The following CCDC57 variants were observed in gnomAD, a reference collection of about 807,000 sequenced individuals.
CCDC57 encodes the protein coiled-coil domain containing 57.
In CCDC57, 118 loss-of-function variants were observed where a neutral mutation model predicts 118.9. The ratio of observed to expected loss-of-function variants is 0.99; its 90% CI spans 0.86 to 1.16. The LOEUF is 1.16. CCDC57 is among the 50% of genes most tolerant of loss of function. CCDC57 has a pLI of 0.00. For synonymous variants in CCDC57, 527 were observed against 532.9 expected, an observed-to-expected ratio of 0.99 and a Z score of 0.15; for missense variants, 1,300 against 1,320.7, an observed-to-expected ratio of 0.98 and a Z score of 0.24.
chr17:82,113,700 A>AG (rs762948064), intron 19 of CCDC57: 2 of 713,818 alleles, frequency 2.8e-6, no homozygotes, highest in South Asian at 3.0e-5. Flanking sequence ...TGGGAGGCCA[A>AG]GGCGGCAGGA....
intron 19 of CCDC57, among the ~76,000 whole-genome samples, chr17:82,121,712 C>T (rs897361137): frequency 2.0e-5 from 3 of 152,216 alleles, no homozygotes; most frequent in African/African-American, 7.2e-5. Flanking sequence ...GCTCCTGGGC[C>T]TCAGTCAGCG....
At chr17:82,205,913 G>A (rs559835633) in intron 2 of CCDC57, among the ~76,000 whole-genome samples, 33 of 152,320 alleles carry the variant, frequency 2.2e-4, no homozygotes, top group African/African-American at 7.2e-4. Context: ...ATCATAGAAC[G>A]GCCTGCTCTG....
intron 16 of CCDC57, among the ~76,000 whole-genome samples, chr17:82,140,820 G>C (rs1168329687): frequency 6.6e-6 from 1 of 152,084 alleles, no homozygotes. Context: ...TTGTAGGATG[G>C]CAGGTGCATC....
intron 4 of CCDC57, among the ~76,000 whole-genome samples, chr17:82,198,041 G>A (rs1347413623): frequency 6.6e-6 from 1 of 152,048 alleles, no homozygotes; most frequent in Non-Finnish European, 1.5e-5. Context: ...ATATCTACAC[G>A]TCTCCTATTG....
chr17:82,169,381 G>A (rs1236375969), intron 13 of CCDC57, among the ~76,000 whole-genome samples: 7 of 152,112 alleles, frequency 4.6e-5, no homozygotes, highest in African/African-American at 7.2e-5. Context: ...CACCCACCTC[G>A]GCCTCCCAAA....
At chr17:82,147,284 G>A (rs28481866) in intron 16 of CCDC57, among the ~76,000 whole-genome samples, 62,895 of 135,030 alleles carry the variant, frequency 0.47, 15,025 homozygotes, top group East Asian at 0.87. Flanking sequence ...AAAGATAGAT[G>A]AATGGATGGA....
intron 11 of CCDC57, among the ~76,000 whole-genome samples, chr17:82,173,283 G>T (rs907592646): frequency 6.6e-6 from 1 of 152,176 alleles, no homozygotes; most frequent in East Asian, 1.9e-4. Context: ...AGTTAAAGCA[G>T]CCAGTTTTGC....
intron 19 of CCDC57, among the ~76,000 whole-genome samples, chr17:82,105,970 G>A (rs561460414): frequency 3.0e-4 from 46 of 152,370 alleles, no homozygotes; most frequent in African/African-American, 9.6e-4. Context: ...CTTTGGAGCA[G>A]AGGAGAGGTG....
intron 13 of CCDC57, among the ~76,000 whole-genome samples, chr17:82,167,764 C>T (rs984697845): frequency 5.3e-5 from 8 of 152,070 alleles, no homozygotes; most frequent in Non-Finnish European, 1.0e-4. Flanking sequence ...TACAGGTGTG[C>T]GCCACCGTGC....
intron 16 of CCDC57, among the ~76,000 whole-genome samples, chr17:82,138,489 G>A (rs570893996): frequency 1.3e-5 from 2 of 152,138 alleles, no homozygotes; most frequent in South Asian, 2.1e-4. Flanking sequence ...CAAGGCTGCA[G>A]TGAGCTGTGA....
At chr17:82,156,326 G>A (rs2042678547) in intron 15 of CCDC57, 1 of 152,044 alleles carries the variant, frequency 6.6e-6, no homozygotes, top group Non-Finnish European at 1.5e-5. Context: ...CTGCTTATTT[G>A]TATAAATTCT....
At chr17:82,117,167 A>G (rs1275061403) in intron 19 of CCDC57, among the ~76,000 whole-genome samples, 1 of 148,922 alleles carries the variant, frequency 6.7e-6, no homozygotes, top group Non-Finnish European at 1.5e-5. Context: ...CTGGGCTAAC[A>G]TGGGGAAAAC....
chr17:82,187,798 G>A (rs2047155163), intron 8 of CCDC57, among the ~76,000 whole-genome samples: 1 of 133,078 alleles, frequency 7.5e-6, no homozygotes, highest in Non-Finnish European at 1.6e-5. Flanking sequence ...CGGGGCTGGG[G>A]GGAGCTGGCA....
At position 82,138,086 on chromosome 17, in the gene CCDC57, T is replaced by TG. The variant is rs2039475082; in HGVS notation, c.2456-3893dup. ...GTATTTGAAATAATTAGGTACAAGG[T>TG]GGGGTGTGGTGGCATGCGCTTGTGG... On this transcript the variant is annotated intron_variant, in intron 16 of 19. Transcript: ENST00000665763. 4.7e-5 allele frequency among the ~76,000 whole-genome samples: 7 copies of TG among 150,442 alleles called. No homozygotes were observed. The South Asian group carries it at 1.5e-3, about 32-fold the overall frequency.
At chr17:82,193,763 T>G in exon 7 of CCDC57, 2 of 1,597,130 alleles carry the variant, frequency 1.3e-6, no homozygotes, top group Non-Finnish European at 1.7e-6. Flanking sequence ...CACTTCCTCT[T>G]AAATGTTTCC....
intron 7 of CCDC57, among the ~76,000 whole-genome samples, chr17:82,190,735 C>A (rs1332391465): frequency 1.3e-5 from 2 of 148,554 alleles, no homozygotes; most frequent in Non-Finnish European, 3.0e-5. Context: ...TGATAATGGA[C>A]AATGCCTCTT....
At chr17:82,143,547 A>T (rs1002823400) in intron 16 of CCDC57, among the ~76,000 whole-genome samples, 8 of 152,036 alleles carry the variant, frequency 5.3e-5, no homozygotes, top group African/African-American at 1.9e-4. Context: ...ACGCACACAC[A>T]CGTGTCAGGG....
intron 19 of CCDC57, among the ~76,000 whole-genome samples, chr17:82,117,767 C>CAAACA (rs1555678778): frequency 1.6e-4 from 14 of 85,060 alleles, no homozygotes; most frequent in African/African-American, 4.0e-4. Context: ...ACAAACAAAC[C>CAAACA]ATTTGCTAAA....
In CCDC57 at chr17:82,107,120, T is replaced by C. The variant is rs955781353; in HGVS notation, c.2900-5254A>G. Among the ~76,000 whole-genome samples the C allele has an allele frequency of 2.0e-5, 3 of 152,180 alleles. No homozygotes were observed. In the East Asian group the frequency reaches 5.8e-4, roughly 29 times the overall value. On this transcript the variant is annotated intron_variant, in intron 19 of 19. Transcript: ENST00000665763. ...AGGAGCTACGCCAGCCACACACTTA[T>C]CAGCTGCCCGACCTGCTCAGGACAC... is the stretch of plus-strand genomic sequence containing the variant.
Sources: allele counts gnomAD v4.1 joint callset (sites outside exome capture counted in the v4.1 genomes callset), GRCh38; gene constraint gnomAD v4.1.1; transcripts MANE v1.5; gene names NCBI Gene and HGNC (gene_info 2026-07-23, HGNC 2026-07-21).